The following TSACC variants were observed in gnomAD, a reference collection of about 807,000 sequenced individuals.
TSACC encodes the protein TSSK6-activating co-chaperone protein.
TSACC carries 3 observed loss-of-function variants against 6.9 expected under a neutral mutation model. That is an observed-to-expected ratio of 0.43 (90% CI 0.20 to 1.12). The LOEUF (loss-of-function observed/expected upper bound fraction) is 1.12, where lower values mean the gene tolerates loss of function less well. TSACC is among the 50% of genes most tolerant of loss of function. The pLI is 0.28. For synonymous variants in TSACC, 54 were observed against 55.1 expected (o/e 0.98, Z 0.09); for missense variants, 137 against 143.9 (o/e 0.95, Z 0.24).
chr1:156,345,282 G>C (rs574064699), intron 3 of TSACC, among the ~76,000 whole-genome samples: 20 of 152,350 alleles, frequency 1.3e-4, no homozygotes, highest in Admixed American at 3.9e-4. Context: ...AGAAAAAGTG[G>C]CTGGGCACGG....
Position 156,339,807 on chromosome 1 carries a change from C to G in TSACC, c.34+16C>G. 1 of 1,613,248 alleles carries G rather than the reference C, an allele frequency of 6.2e-7. No individual in the cohort carries two copies. The highest frequency in any genetic ancestry group is 8.5e-7 in the Non-Finnish European group (1 of 1,179,788). ...AACAGAAAAGGTGTGTGTTGGAGGC[C>G]CTGCTTCCCCTCCCTTAAAAAGCAA... On this transcript the variant is annotated intron_variant, in intron 2 of 3. Coordinates refer to ENST00000368254, the MANE Select transcript of TSACC (RefSeq NM_001304817.2).
chr1:156,337,897 G>C, upstream of TSACC: 1 of 542,320 alleles, frequency 1.8e-6, no homozygotes, highest in Middle Eastern at 4.8e-4. Context: ...ACAGAACGCG[G>C]AGTGGGAAAG....
At chr1:156,345,056 G>A (rs886761010) in intron 3 of TSACC, among the ~76,000 whole-genome samples, 23 of 152,302 alleles carry the variant, frequency 1.5e-4, no homozygotes, top group Middle Eastern at 3.4e-3. Context: ...GAAACTATTA[G>A]CTCAGTCTCA....
chr1:156,340,612 CCCCCACGCCCAG>C (rs1214016077), intron 2 of TSACC, among the ~76,000 whole-genome samples: 2 of 152,158 alleles, frequency 1.3e-5, no homozygotes, highest in East Asian at 3.9e-4. Context: ...CAGGCGTGCA[CCCCCACGCCCAG>C]CTAATTTTGT....
At chr1:156,342,123 ATTATT>A (rs1570955243) in intron 2 of TSACC, among the ~76,000 whole-genome samples, 1 of 152,306 alleles carries the variant, frequency 6.6e-6, no homozygotes, top group East Asian at 1.9e-4. Flanking sequence ...AAGGACTCAA[ATTATT>A]TAAAAGTGCA....
intron 2 of TSACC, 122 bp downstream of exon 2, chr1:156,339,913 C>A: frequency 1.0e-6 from 1 of 960,532 alleles, no homozygotes; most frequent in Non-Finnish European, 1.6e-6. Context: ...ATAGTAGATG[C>A]TCAGTAATTA....
Position 156,339,663 on chromosome 1 carries a change from A to C in TSACC, c.-95A>C. 6.5e-7 allele frequency: 1 copy of C among 1,532,660 alleles called. No homozygotes were observed. 94.9% of individuals were successfully genotyped at this position (1,532,660 alleles called of 1,614,324 possible). On this transcript the variant is annotated 5_prime_UTR_variant, in exon 2 of 4. Transcript: ENST00000368254. ...GAACAGGCTGAGATCTGCTGGAGACAACTTAGGAAATTATCATAGTGAAAA... is the reference window on the plus strand; with the variant it reads ...GAACAGGCTGAGATCTGCTGGAGACCACTTAGGAAATTATCATAGTGAAAA...
chr1:156,346,754 T>TG lies in TSACC; in HGVS notation c.164-14_164-13insG, dbSNP rs779029350. On this transcript the variant is annotated splice_polypyrimidine_tract_variant and intron_variant, in intron 3 of 3. Coordinates refer to ENST00000368254, the MANE Select transcript of TSACC (RefSeq NM_001304817.2). ...CTTTGTTCCCTTGCACCTCCGTTGC[T>TG]TTTCCTTCTGGAGTTGATCACAAGC... 6.2e-7 allele frequency: 1 copy of TG among 1,613,110 alleles called. No individual in the cohort carries two copies. The highest frequency in any genetic ancestry group is 8.5e-7 in the Non-Finnish European group (1 of 1,179,392).
chr1:156,340,361 G>A (rs753183320), intron 2 of TSACC, among the ~76,000 whole-genome samples: 1 of 151,728 alleles, frequency 6.6e-6, no homozygotes, highest in Non-Finnish European at 1.5e-5. Flanking sequence ...GGGTTTCACC[G>A]TGTCAGCCAG....
At chr1:156,338,336 C>A, upstream of TSACC, 1 of 719,416 alleles carries the variant, frequency 1.4e-6, no homozygotes, top group Non-Finnish European at 2.4e-6. Context: ...TCACCGCACC[C>A]ATCTCATTGA....
rs1666067599 is a variant in TSACC, at chr1:156,344,616, G to C, written c.71G>C (p.Cys24Ser). 1.9e-6 allele frequency: 3 copies of C among 1,613,938 alleles called. No homozygotes were observed. The highest frequency in any genetic ancestry group is 1.1e-5 in the South Asian group (1 of 91,084). The change falls in exon 3 of 4, where the codon TGT (cysteine) becomes TCT (serine). Residue 24 changes from cysteine to serine, a missense_variant. Transcript: ENST00000368254. ...AKEEANAVPL[C>S]RAKPSPSYIN... ...GAGGAAGCTAATGCTGTGCCTCTCTGTAGAGCAAAACCCTCCCCCAGCTAT... is the reference window on the plus strand; with the variant it reads ...GAGGAAGCTAATGCTGTGCCTCTCTCTAGAGCAAAACCCTCCCCCAGCTAT...
chr1:156,342,880 A>G (rs1024982800), intron 2 of TSACC, among the ~76,000 whole-genome samples: 6 of 152,250 alleles, frequency 3.9e-5, no homozygotes, highest in African/African-American at 1.2e-4. Context: ...TGATTTCATT[A>G]TAACAGTGAA....
chr1:156,344,431 G>T, intron 2 of TSACC, 149 bp from the exon 3 acceptor site: 1 of 1,228,618 alleles, frequency 8.1e-7, no homozygotes, highest in Non-Finnish European at 1.1e-6. Flanking sequence ...ATCCTATTAT[G>T]ATTTCTTTTT....
At chr1:156,343,929 G>A (rs1033213213) in intron 2 of TSACC, among the ~76,000 whole-genome samples, 2 of 151,916 alleles carry the variant, frequency 1.3e-5, no homozygotes, top group African/African-American at 4.8e-5. Context: ...TAGTAGAGAC[G>A]GAGTTTTACC....
chr1:156,346,205 A>G (rs1399686358), intron 3 of TSACC, among the ~76,000 whole-genome samples: 1 of 151,882 alleles, frequency 6.6e-6, no homozygotes, highest in African/African-American at 2.4e-5. Context: ...AAAAAAAAAA[A>G]AAAAAAGAAA....
In TSACC at chr1:156,338,533, C is replaced by G. The variant is rs1285766529; in HGVS notation, c.-197C>G. 2.6e-5 allele frequency: 12 copies of G among 469,578 alleles called. No individual in the cohort carries two copies. The highest frequency in any genetic ancestry group is 1.2e-5 in the Non-Finnish European group (3 of 257,934). 29.1% of individuals were successfully genotyped at this position (469,578 alleles called of 1,614,324 possible). ...AGGCGCCAAGGCTCTGGCAGTTGGC[C>G]AGCACACCACTACGCATGTGTGTCA... is the stretch of plus-strand genomic sequence containing the variant. On this transcript the variant is annotated 5_prime_UTR_variant, in exon 1 of 4. Coordinates refer to ENST00000368254, the MANE Select transcript of TSACC (RefSeq NM_001304817.2).
In TSACC at chr1:156,345,865, G is replaced by GAA. The variant is rs563330881; in HGVS notation, c.164-891_164-890dup. Among the ~76,000 whole-genome samples the GAA allele has an allele frequency of 9.5e-3, 1,207 of 126,866 alleles. 21 individuals carry two copies. The highest frequency in any genetic ancestry group is 0.033 in the African/African-American group (1,131 of 34,386). 83.2% of individuals were successfully genotyped at this position (126,866 alleles called of 152,430 possible). A position where few individuals can be genotyped will look rare whatever the true frequency, so the allele number is the denominator to read the frequency against. On this transcript the variant is annotated intron_variant, in intron 3 of 3. Coordinates refer to ENST00000368254, the MANE Select transcript of TSACC (RefSeq NM_001304817.2). Reference sequence around the variant, plus strand: ...CTGGGAGACAGAGCAAGGCTCCATTGAAAAAAAAAAAAAGAAAAAAGAAAA... The same window carrying GAA: ...CTGGGAGACAGAGCAAGGCTCCATTGAAAAAAAAAAAAAAAGAAAAAAGAAAA...
intron 1 of TSACC, among the ~76,000 whole-genome samples, chr1:156,339,413 C>T (rs1665688213): frequency 1.3e-5 from 2 of 152,082 alleles, no homozygotes; most frequent in South Asian, 2.1e-4. Context: ...CTTATCATAC[C>T]GTGGAAATTA....
intron 2 of TSACC, among the ~76,000 whole-genome samples, chr1:156,343,999 CAA>C (rs1188461964): frequency 6.6e-6 from 1 of 152,192 alleles, no homozygotes; most frequent in Admixed American, 6.5e-5. Flanking sequence ...CTTGGCCTCC[CAA>C]AGTGCTGGGA....
Sources: allele counts gnomAD v4.1 joint callset (sites outside exome capture counted in the v4.1 genomes callset), GRCh38; gene constraint gnomAD v4.1.1; transcripts MANE v1.5; gene names NCBI Gene and HGNC (gene_info 2026-07-23, HGNC 2026-07-21).